Variants in ME3 observed in about 807,000 individuals in gnomAD.
The protein encoded by ME3 is malic enzyme 3, also known as NADP-dependent malic enzyme, mitochondrial.
A neutral mutation model predicts 68.9 loss-of-function variants in ME3; 48 were observed. That is an observed-to-expected ratio of 0.70 (90% confidence interval 0.55 to 0.89). The LOEUF (loss-of-function observed/expected upper bound fraction) is 0.89, where lower values mean the gene tolerates loss of function less well. Among genes scored for constraint, ME3 ranks in the 40% least tolerant of loss-of-function variants. ME3 has a pLI of 0.00. For synonymous variants in ME3, 320 were observed against 318.8 expected, an observed-to-expected ratio of 1.00 and a Z score of -0.04; for missense variants, 675 against 797.4, an observed-to-expected ratio of 0.85 and a Z score of 1.85.
chr11:86,456,865 A>G (rs1489792727), intron 8 of ME3, among the ~76,000 whole-genome samples: 4 of 152,204 alleles, frequency 2.6e-5, no homozygotes, highest in African/African-American at 7.2e-5. Context: ...GATTTGCTCA[A>G]TTAATCTTCC....
Position 86,448,243 on chromosome 11 carries a change from G to A in ME3, c.1144C>T (p.Leu382=), listed in dbSNP as rs1407652115. 5 of 1,613,846 alleles carry A rather than the reference G, an allele frequency of 3.1e-6. No individual in the cohort carries two copies. In the Admixed American group the frequency reaches 5.0e-5, roughly 16 times the overall value. The change falls in exon 11 of 15, where the codon CTG becomes TTG. Residue 382 remains leucine (L), a synonymous_variant. Transcript: ENST00000543262. The stretch of plus-strand genomic sequence containing the variant: ...GCAAACATCTCCTTTTCATGGTTCA[G>A]GTGGCTCCTCCCCTACAGGAAAAGG...
At chr11:86,603,284 C>T (rs1335524376) in intron 2 of ME3, among the ~76,000 whole-genome samples, 3 of 152,010 alleles carry the variant, frequency 2.0e-5, no homozygotes, top group Non-Finnish European at 4.4e-5. Context: ...AAAAAGTGGG[C>T]AAAGGATATG....
chr11:86,662,218 A>T (rs2135494378), intron 2 of ME3, among the ~76,000 whole-genome samples: 1 of 152,340 alleles, frequency 6.6e-6, no homozygotes, highest in East Asian at 1.9e-4. Flanking sequence ...CGTAGGGGAT[A>T]AGCCCTAAAA....
chr11:86,589,945 G>T (rs988027053), intron 2 of ME3, among the ~76,000 whole-genome samples: 1 of 152,148 alleles, frequency 6.6e-6, no homozygotes, highest in Non-Finnish European at 1.5e-5. Context: ...GATGGGGTGT[G>T]GGACTTTTGA....
At chr11:86,654,340 A>T (rs1179016229) in intron 2 of ME3, among the ~76,000 whole-genome samples, 2 of 152,234 alleles carry the variant, frequency 1.3e-5, no homozygotes, top group Non-Finnish European at 2.9e-5. Flanking sequence ...CGATGCAAAA[A>T]TCCTCAATAA....
At chr11:86,568,368 G>A (rs1263134064) in intron 2 of ME3, among the ~76,000 whole-genome samples, 1 of 152,162 alleles carries the variant, frequency 6.6e-6, no homozygotes, top group African/African-American at 2.4e-5. Context: ...AATAGTAGGA[G>A]GCCTCAAGAC....
chr11:86,497,917 T>C (rs1952467602), intron 6 of ME3, 46 bp downstream of exon 6: 1 of 1,537,740 alleles, frequency 6.5e-7, no homozygotes, highest in Non-Finnish European at 8.8e-7. Flanking sequence ...CCTGTCCCAG[T>C]TGCCACCTTT....
At chr11:86,644,154 T>G (rs480290) in intron 2 of ME3, among the ~76,000 whole-genome samples, 149,703 of 152,242 alleles carry the variant, frequency 0.98, 73,646 homozygotes, top group Non-Finnish European at 1. Context: ...AAGAACACAG[T>G]GGGGCAGCCC....
intron 8 of ME3, among the ~76,000 whole-genome samples, chr11:86,452,059 T>C (rs1949659352): frequency 1.3e-5 from 2 of 152,330 alleles, no homozygotes; most frequent in South Asian, 4.1e-4. Context: ...TTTTCTCTCA[T>C]AGCCAAAATG....
intron 2 of ME3, among the ~76,000 whole-genome samples, chr11:86,589,034 T>C (rs1958901603): frequency 6.6e-6 from 1 of 152,162 alleles, no homozygotes; most frequent in African/African-American, 2.4e-5. Context: ...AGGCCCTTAA[T>C]AGAAAAGCTT....
At chr11:86,547,985 T>A (rs572426421) in intron 4 of ME3, among the ~76,000 whole-genome samples, 4 of 152,174 alleles carry the variant, frequency 2.6e-5, no homozygotes, top group Admixed American at 1.3e-4. Context: ...CCTGTTCTAG[T>A]TAATAAAGTT....
chr11:86,447,293 A>T (rs1206866254), intron 11 of ME3, 86 bp from the exon 12 acceptor site: 15 of 1,530,016 alleles, frequency 9.8e-6, no homozygotes, highest in Non-Finnish European at 1.3e-5. Flanking sequence ...GGGAACTAGG[A>T]ATACCATGAA....
intron 5 of ME3, among the ~76,000 whole-genome samples, chr11:86,502,173 ATTTC>A (rs1952767605): frequency 1.3e-5 from 2 of 152,124 alleles, no homozygotes; most frequent in African/African-American, 2.4e-5. Flanking sequence ...TTACTTCTCA[ATTTC>A]TTTATCTCCT....
intron 4 of ME3, among the ~76,000 whole-genome samples, chr11:86,512,672 G>A (rs1953625700): frequency 6.6e-6 from 1 of 152,182 alleles, no homozygotes; most frequent in Non-Finnish European, 1.5e-5. Context: ...ATAAGCATGT[G>A]GAGATGGTAG....
rs1444212140 is a variant in ME3 at position 86,671,826 on chromosome 11, G to C, written c.119C>G (p.Pro40Arg). Residue 40 changes from proline (P) to arginine (R), a missense_variant, in exon 2 of 15, where the codon CCG becomes CGG. Coordinates refer to ENST00000543262, the Ensembl canonical transcript of ME3. ...CTTCTTCAGGGGCACAGGGCGCGCCGGGCCAGGCTTGGAGTGGCAGCCTTG... is the reference window on the plus strand; with the variant it reads ...CTTCTTCAGGGGCACAGGGCGCGCCCGGCCAGGCTTGGAGTGGCAGCCTTG... The C allele has an allele frequency of 1.1e-5, 18 of 1,600,468 alleles. No individual in the cohort carries two copies. The highest frequency in any genetic ancestry group is 1.4e-5 in the Non-Finnish European group (17 of 1,175,030).
At chr11:86,636,108 A>G (rs1464202747) in intron 2 of ME3, among the ~76,000 whole-genome samples, 2 of 152,158 alleles carry the variant, frequency 1.3e-5, no homozygotes, top group East Asian at 3.9e-4. Context: ...GGAAGCCTGA[A>G]GCTTCTGAGG....
At position 86,601,372 on chromosome 11, in the gene ME3, G is replaced by C. The variant is rs193075991; in HGVS notation, c.184-41549C>G. ...AGGTAGAAGAAATGGATAAATTCCT[G>C]GACACATACACCCTCCCAAGACTAA... On this transcript the variant is annotated intron_variant, in intron 2 of 14. Coordinates refer to ENST00000543262, the Ensembl canonical transcript of ME3. 5.3e-3 allele frequency among the ~76,000 whole-genome samples: 806 copies of C among 152,182 alleles called. 11 individuals are homozygous for C. Among genetic ancestry groups the C allele is most frequent in the African/African-American group, 0.018 (736 of 41,514 alleles).
chr11:86,639,824 G>A (rs553146775), intron 2 of ME3, among the ~76,000 whole-genome samples: 13 of 152,294 alleles, frequency 8.5e-5, no homozygotes, highest in African/African-American at 2.9e-4. Flanking sequence ...TCAGGGTTAC[G>A]TGGTTGAAAG....
chr11:86,586,802 C>T (rs1300334748), intron 2 of ME3, among the ~76,000 whole-genome samples: 2 of 151,728 alleles, frequency 1.3e-5, no homozygotes, highest in African/African-American at 2.4e-5. Context: ...ACTTGGGAGC[C>T]GAAGAGTGAA....
Sources: allele counts gnomAD v4.1 joint callset (sites outside exome capture counted in the v4.1 genomes callset), GRCh38; gene constraint gnomAD v4.1.1; transcripts MANE v1.5; gene names NCBI Gene and HGNC (gene_info 2026-07-23, HGNC 2026-07-21).